Variants in MELK observed in about 807,000 individuals in gnomAD.
MELK encodes the protein maternal embryonic leucine zipper kinase.
In MELK, 81 loss-of-function variants were observed where a neutral mutation model predicts 85.0. That is an observed-to-expected ratio of 0.95 (90% confidence interval 0.80 to 1.15). MELK has a LOEUF of 1.15. Among genes scored for constraint, MELK ranks in the 50% most tolerant of loss-of-function variants. The pLI, the probability that MELK is intolerant of heterozygous loss-of-function variation, is 0.00. For missense variants in MELK, 754 were observed against 777.5 expected, an observed-to-expected ratio of 0.97 and a Z score of 0.36; for synonymous variants, 252 against 265.0, an observed-to-expected ratio of 0.95 and a Z score of 0.48.
intron 11 of MELK, among the ~76,000 whole-genome samples, chr9:36,643,952 A>T (rs974408318): frequency 1.3e-5 from 2 of 151,892 alleles, no homozygotes; most frequent in African/African-American, 4.8e-5. Flanking sequence ...AAAAAAAAGA[A>T]AAGAAACAAC....
chr9:36,581,467 T>C (rs1214662987), intron 1 of MELK, among the ~76,000 whole-genome samples, 177 bp from the exon 2 acceptor site: 4 of 152,190 alleles, frequency 2.6e-5, no homozygotes, highest in African/African-American at 7.2e-5. Flanking sequence ...TTTAAGTCTA[T>C]CTGGAATTCA....
chr9:36,665,795 C>T (rs78799069), intron 14 of MELK, among the ~76,000 whole-genome samples: 4,313 of 152,170 alleles, frequency 0.028, 202 homozygotes, highest in African/African-American at 0.098. Flanking sequence ...CTCTTTTTCA[C>T]GTTTATAAAA....
rs1360097388 is a variant in MELK, at chr9:36,651,835, C to A, written c.1011C>A (p.Phe337Leu). 7 of 1,613,960 alleles carry A rather than the reference C, an allele frequency of 4.3e-6. No individual in the cohort carries two copies. In the South Asian group the frequency reaches 7.7e-5, roughly 18 times the overall value. ...CAGTTCGTTTAAGGCTTTCTTCTTTCTCCTGTGGACAAGCCAGTGCTACCC... is the reference window on the plus strand; with the variant it reads ...CAGTTCGTTTAAGGCTTTCTTCTTTATCCTGTGGACAAGCCAGTGCTACCC... The part of the protein sequence containing the change: ...GKPVRLRLSS[F>L]SCGQASATPF... Residue 337 changes from phenylalanine to leucine, a missense_variant, in exon 12 of 18, where the codon TTC becomes TTA. Transcript: ENST00000298048.
rs180751785 is a variant in MELK, at chr9:36,621,571, G to T, written c.667-8728G>T. On this transcript the variant is annotated intron_variant, in intron 8 of 17. Coordinates refer to ENST00000298048, the MANE Select transcript of MELK (RefSeq NM_014791.4). The stretch of plus-strand genomic sequence containing the variant: ...GAGGTAGATCCTGGATTTGAACCTA[G>T]CCAATTTGTTTTCAGAGCCTTTCTT... Among the ~76,000 whole-genome samples, 542 of 152,194 alleles carry T rather than the reference G, an allele frequency of 3.6e-3. 1 individual carries two copies. Among genetic ancestry groups the T allele is most frequent in the Non-Finnish European group, 4.3e-3 (291 of 68,008 alleles).
chr9:36,597,152 A>C (rs1370948112), intron 5 of MELK, 70 bp from the exon 6 acceptor site: 1 of 1,343,790 alleles, frequency 7.4e-7, no homozygotes, highest in Non-Finnish European at 1.1e-6. Flanking sequence ...TCATTTTTAG[A>C]AATGGCTAGA....
At chr9:36,642,175 T>G (rs1564196384) in intron 10 of MELK, among the ~76,000 whole-genome samples, 1 of 152,164 alleles carries the variant, frequency 6.6e-6, no homozygotes, top group Non-Finnish European at 1.5e-5. Context: ...TTTTTAAAGT[T>G]GTGGTCCAGC....
chr9:36,619,818 T>C (rs1190332788), intron 8 of MELK, among the ~76,000 whole-genome samples: 1 of 152,234 alleles, frequency 6.6e-6, no homozygotes, highest in Non-Finnish European at 1.5e-5. Flanking sequence ...TTTCTGCTTT[T>C]TTCTCTACTT....
chr9:36,652,729 C>CA (rs745699767), intron 12 of MELK, among the ~76,000 whole-genome samples: 1,145 of 95,006 alleles, frequency 0.012, 23 homozygotes, highest in African/African-American at 0.04. Flanking sequence ...GACTCTGTCT[C>CA]AAAAAAAAAA....
At chr9:36,638,299 T>G (rs927189699) in intron 10 of MELK, among the ~76,000 whole-genome samples, 3 of 152,166 alleles carry the variant, frequency 2.0e-5, no homozygotes, top group Non-Finnish European at 4.4e-5. Flanking sequence ...TTGTTTGTTT[T>G]TTTGAAATGG....
intron 3 of MELK, among the ~76,000 whole-genome samples, chr9:36,584,246 C>T (rs1434233111): frequency 2.0e-5 from 3 of 151,272 alleles, no homozygotes; most frequent in African/African-American, 7.3e-5. Flanking sequence ...ACCCCGTGAT[C>T]TGCCCGCCTC....
intron 16 of MELK, among the ~76,000 whole-genome samples, chr9:36,672,213 C>A (rs948127147): frequency 2.6e-5 from 4 of 151,892 alleles, no homozygotes; most frequent in Non-Finnish European, 5.9e-5. Flanking sequence ...TTACCTTGAA[C>A]TTTTGTAGTG....
chr9:36,650,306 A>G (rs2137197772), intron 11 of MELK, among the ~76,000 whole-genome samples: 1 of 152,240 alleles, frequency 6.6e-6, no homozygotes, highest in African/African-American at 2.4e-5. Context: ...AATATTCCAG[A>G]ACTGAAGAAT....
Position 36,643,025 on chromosome 9 carries a change from CAG to C in MELK, c.865_866del (p.Glu289ThrfsTer22), listed in dbSNP as rs1378101587. ...ATTCACCTCGATGATGATTGCGTAA[CAG>C]AACTTTCTGTACATCACAGAAACAA... On this transcript the variant is annotated frameshift_variant, in exon 11 of 18. Transcript: ENST00000298048. LOFTEE classifies it high-confidence loss of function. The C allele has an allele frequency of 1.2e-6, 2 of 1,611,472 alleles. No homozygotes were observed. The highest frequency in any genetic ancestry group is 1.7e-6 in the Non-Finnish European group (2 of 1,179,182).
At chr9:36,666,946 GGTT>G (rs1832437369) in intron 14 of MELK, among the ~76,000 whole-genome samples, 1 of 150,094 alleles carries the variant, frequency 6.7e-6, no homozygotes, top group South Asian at 2.1e-4. Context: ...CGCTGCCTGT[GGTT>G]GTTATGAGAA....
rs761980953 is a variant in MELK at position 36,611,752 on chromosome 9, C to CTATTATTATTATTAT, written c.666+4102_666+4116dup. Among the ~76,000 whole-genome samples, 321 of 145,410 alleles carry CTATTATTATTATTAT rather than the reference C, an allele frequency of 2.2e-3. 1 individual carries two copies. The highest frequency in any genetic ancestry group is 6.7e-3 in the African/African-American group (261 of 38,998). ...TTAGAGTGGTGCTCAATAAATGTAG[C>CTATTATTATTATTAT]TATTATTATTATTATTATTATTATT... On this transcript the variant is annotated intron_variant, in intron 8 of 17. Coordinates refer to ENST00000298048, the MANE Select transcript of MELK (RefSeq NM_014791.4).
At position 36,587,175 on chromosome 9, in the gene MELK, G is replaced by A. The variant is rs117747232; in HGVS notation, c.145-2361G>A. On this transcript the variant is annotated intron_variant, in intron 3 of 17. Coordinates refer to ENST00000298048, the MANE Select transcript of MELK (RefSeq NM_014791.4). ...ATTACTTCCATGGTTTTAGTCATCAGGCTTCCTCCCCACAAAGAAAGAAGA... is the reference window on the plus strand; with the variant it reads ...ATTACTTCCATGGTTTTAGTCATCAAGCTTCCTCCCCACAAAGAAAGAAGA... 4.3e-4 allele frequency among the ~76,000 whole-genome samples: 65 copies of A among 151,944 alleles called. 3 individuals carry two copies. The East Asian group carries it at 0.01, about 24-fold the overall frequency.
chr9:36,630,320 A>C lies in MELK; in HGVS notation c.688A>C (p.Lys230Gln). Residue 230 changes from lysine to glutamine, a missense_variant, in exon 9 of 18, where the codon AAG becomes CAG. Physicochemically the swap from Lys to Gln is moderately conservative, Grantham distance 53 (BLOSUM62 1). Transcript: ENST00000298048. ...KIMRGKYDVPKWLSPSSILLL... is the reference protein window; with the variant it reads ...KIMRGKYDVPQWLSPSSILLL... ...GTAGAGAGGAAAATATGATGTTCCC[A>C]AGTGGCTCTCTCCCAGTAGCATTCT... is the stretch of plus-strand genomic sequence containing the variant. The C allele has an allele frequency of 6.2e-7, 1 of 1,612,680 alleles. No homozygotes were observed.
intron 11 of MELK, among the ~76,000 whole-genome samples, chr9:36,649,722 T>C (rs2137168625): frequency 6.6e-6 from 1 of 152,024 alleles, no homozygotes; most frequent in East Asian, 1.9e-4. Flanking sequence ...TGAGCCGTGA[T>C]TGCACCATTG....
Position 36,589,659 on chromosome 9 carries a change from A to G in MELK, c.261+7A>G. ...AATATTCATGGTTCTTGAGGTTAGT[A>G]GTATGTTCCAGATACCTGAAAACAT... On this transcript the variant is annotated splice_region_variant and intron_variant, in intron 4 of 17. Transcript: ENST00000298048. 1 of 1,560,422 alleles carries G rather than the reference A, an allele frequency of 6.4e-7. No individual in the cohort carries two copies. The highest frequency in any genetic ancestry group is 8.8e-7 in the Non-Finnish European group (1 of 1,131,406).
Sources: gnomAD v4.1 joint callset for allele counts (sites outside exome capture counted in the v4.1 genomes callset) on GRCh38, gnomAD v4.1.1 for gene constraint, MANE v1.5 for transcripts, NCBI Gene and HGNC (gene_info 2026-07-23, HGNC 2026-07-21) for gene names.